STPG2: variants seen among roughly 807,000 people sequenced by gnomAD.
STPG2 encodes the protein sperm-tail PG-rich repeat-containing protein 2.
Under a neutral mutation model 54.2 loss-of-function variants are expected in STPG2, and 56 were observed. The ratio of observed to expected loss-of-function variants is 1.03; its 90% confidence interval spans 0.83 to 1.29. The LOEUF is 1.29. STPG2 is among the 50% of genes most tolerant of loss of function. The probability of loss-of-function intolerance (pLI) is 0.00; values close to 1 mark genes in which losing one functional copy is unlikely to be tolerated. For missense variants in STPG2, 596 were observed against 544.9 expected (o/e 1.09, Z -0.93); for synonymous variants, 200 against 181.8 (o/e 1.10, Z -0.81).
At chr4:97,511,931 C>T (rs1030011505) in intron 4 of STPG2, among the ~76,000 whole-genome samples, 2 of 152,042 alleles carry the variant, frequency 1.3e-5, no homozygotes, top group African/African-American at 4.8e-5. Flanking sequence ...CCTTAAAGAG[C>T]AGCTGTTACA....
chr4:98,033,290 G>A (rs1045121010), intron 5 of STPG2, among the ~76,000 whole-genome samples: 12 of 151,968 alleles, frequency 7.9e-5, no homozygotes, highest in African/African-American at 2.9e-4. Context: ...CAATCCCACA[G>A]AAATACAAAC....
At chr4:97,444,929 C>A (rs559045600) in intron 4 of STPG2, among the ~76,000 whole-genome samples, 1 of 152,060 alleles carries the variant, frequency 6.6e-6, no homozygotes, top group Non-Finnish European at 1.5e-5. Context: ...CCCAGCTACT[C>A]AGGAGGCTGA....
chr4:97,839,376 C>G (rs1202880801), intron 9 of STPG2, among the ~76,000 whole-genome samples: 1 of 151,572 alleles, frequency 6.6e-6, no homozygotes. Context: ...TTAACTGAAA[C>G]TCTTATTTTG....
intron 10 of STPG2, 150 bp from the exon 11 acceptor site, chr4:97,559,267 G>A: frequency 5.3e-6 from 3 of 563,322 alleles, no homozygotes; most frequent in Non-Finnish European, 9.3e-6. Flanking sequence ...TACATCGATA[G>A]AGCTTGTTTT....
chr4:98,084,437 TATTTGGTGAAC>T (rs1272104781), intron 5 of STPG2, among the ~76,000 whole-genome samples: 2 of 152,252 alleles, frequency 1.3e-5, no homozygotes, highest in African/African-American at 4.8e-5. Flanking sequence ...TTTGTATAAG[TATTTGGTGAAC>T]ATATATTTTC....
chr4:98,065,521 T>C (rs771748731), intron 5 of STPG2, among the ~76,000 whole-genome samples: 1 of 152,220 alleles, frequency 6.6e-6, no homozygotes, highest in African/African-American at 2.4e-5. Context: ...CTGATCCTAA[T>C]GTATATTAGA....
chr4:98,077,753 A>T (rs1458598193), intron 5 of STPG2, among the ~76,000 whole-genome samples: 2 of 152,196 alleles, frequency 1.3e-5, no homozygotes, highest in African/African-American at 4.8e-5. Flanking sequence ...TACCAGTCAA[A>T]TATCATAGAA....
chr4:97,578,821 T>A (rs753597739), intron 10 of STPG2, among the ~76,000 whole-genome samples: 44 of 152,152 alleles, frequency 2.9e-4, no homozygotes, highest in Non-Finnish European at 5.4e-4. Flanking sequence ...CTAAAATTGA[T>A]CTTACCTATA....
chr4:97,815,247 C>T (rs929161798), intron 9 of STPG2, among the ~76,000 whole-genome samples: 8 of 152,006 alleles, frequency 5.3e-5, no homozygotes, highest in Admixed American at 2.6e-4. Flanking sequence ...TGTGTGCATG[C>T]GTGTGCACAC....
chr4:97,786,882 A>G (rs535453326), intron 9 of STPG2, among the ~76,000 whole-genome samples: 1 of 152,198 alleles, frequency 6.6e-6, no homozygotes, highest in African/African-American at 2.4e-5. Flanking sequence ...TATTGTTGTT[A>G]ATCTCTTACT....
At chr4:97,994,245 G>A (rs569137609) in intron 5 of STPG2, among the ~76,000 whole-genome samples, 1 of 152,200 alleles carries the variant, frequency 6.6e-6, no homozygotes, top group South Asian at 2.1e-4. Context: ...TCAGGAGCAG[G>A]TTATTTAATT....
At chr4:97,657,234 A>C (rs1215853934) in intron 10 of STPG2, among the ~76,000 whole-genome samples, 1 of 152,148 alleles carries the variant, frequency 6.6e-6, no homozygotes, top group Non-Finnish European at 1.5e-5. Context: ...GGCCAAAAAA[A>C]AGTTGAGTTG....
chr4:98,025,490 T>G, intron 5 of STPG2: 1 of 564,454 alleles, frequency 1.8e-6, no homozygotes, highest in East Asian at 3.8e-5. Flanking sequence ...TTGGAAACAC[T>G]TAGTGATACA....
At chr4:97,951,366 G>A (rs1421100448) in intron 7 of STPG2, among the ~76,000 whole-genome samples, 4 of 152,284 alleles carry the variant, frequency 2.6e-5, no homozygotes, top group Non-Finnish European at 1.5e-5. Flanking sequence ...TTACACTAGT[G>A]TGACCTTTGG....
chr4:97,454,424 A>G (rs1001878538), intron 4 of STPG2, among the ~76,000 whole-genome samples: 1 of 146,666 alleles, frequency 6.8e-6, no homozygotes, highest in Admixed American at 6.9e-5. Context: ...GAGGCAGGAG[A>G]ATGGCGTGAA....
At chr4:98,036,545 C>A (rs13101766) in intron 5 of STPG2, among the ~76,000 whole-genome samples, 59,843 of 151,620 alleles carry the variant, frequency 0.39, 12,027 homozygotes, top group Middle Eastern at 0.46. Flanking sequence ...TCTCAGCAAA[C>A]TAACACAAGA....
At chr4:97,837,492 C>T (rs543948489) in intron 9 of STPG2, among the ~76,000 whole-genome samples, 2 of 151,748 alleles carry the variant, frequency 1.3e-5, no homozygotes, top group East Asian at 1.9e-4. Flanking sequence ...TTTCACTTAC[C>T]GGAGTTGGAT....
chr4:97,560,217 A>G (rs1415266590), intron 10 of STPG2, among the ~76,000 whole-genome samples: 1 of 152,298 alleles, frequency 6.6e-6, no homozygotes, highest in East Asian at 1.9e-4. Context: ...TTATGACATC[A>G]TCGGAAAATT....
rs1724164791 is a variant in STPG2 at position 97,712,752 on chromosome 4, A to G, written c.1267T>C (p.Ser423Pro). 3 of 1,610,054 alleles carry G rather than the reference A, an allele frequency of 1.9e-6. No individual in the cohort carries two copies. The highest frequency in any genetic ancestry group is 2.5e-6 in the Non-Finnish European group (3 of 1,177,482). Residue 423 changes from serine (S) to proline (P), a missense_variant, in exon 10 of 11, where the codon TCA becomes CCA. Physicochemically the swap from Ser to Pro is moderately conservative, Grantham distance 74. Coordinates refer to ENST00000295268, the MANE Select transcript of STPG2 (RefSeq NM_174952.3). ...SCPIPLFVKA[S>P]KRFEESKEIT... ...TCTTTGGACTCTTCAAAGCGCTTTG[A>G]TGCTTTCACAAATAAGGGTATGGGG... is the stretch of plus-strand genomic sequence containing the variant.
Sources: gnomAD v4.1 joint callset for allele counts (sites outside exome capture counted in the v4.1 genomes callset) on GRCh38, gnomAD v4.1.1 for gene constraint, MANE v1.5 for transcripts, NCBI Gene and HGNC (gene_info 2026-07-23, HGNC 2026-07-21) for gene names.